Variants in TBC1D22B observed in about 807,000 individuals in gnomAD.
The protein encoded by TBC1D22B is chromosome 6 open reading frame 197.
In TBC1D22B, 32 loss-of-function variants were observed where a neutral mutation model predicts 69.1. The ratio of observed to expected loss-of-function variants is 0.46; its 90% CI spans 0.35 to 0.62. The LOEUF (loss-of-function observed/expected upper bound fraction) is 0.62. TBC1D22B is among the 20% of genes least tolerant of loss of function. TBC1D22B has a pLI of 0.00. For missense variants in TBC1D22B, 462 were observed against 630.9 expected, an observed-to-expected ratio of 0.73 and a Z score of 2.87; for synonymous variants, 206 against 229.8, an observed-to-expected ratio of 0.90 and a Z score of 0.94.
At chr6:37,269,886 T>C (rs922562169) in intron 2 of TBC1D22B, among the ~76,000 whole-genome samples, 8 of 152,312 alleles carry the variant, frequency 5.3e-5, no homozygotes, top group African/African-American at 1.9e-4. Context: ...TAGGGTTTGG[T>C]ATTGGATTCT....
chr6:37,297,217 A>T (rs1471305526), intron 8 of TBC1D22B, among the ~76,000 whole-genome samples: 5 of 152,198 alleles, frequency 3.3e-5, no homozygotes, highest in African/African-American at 9.7e-5. Flanking sequence ...ATACAGTCGT[A>T]TTCATAAATC....
At chr6:37,274,710 C>T (rs189967487) in intron 2 of TBC1D22B, among the ~76,000 whole-genome samples, 236 of 152,264 alleles carry the variant, frequency 1.5e-3, no homozygotes, top group African/African-American at 4.8e-3. Flanking sequence ...TGAAGGTGTT[C>T]GTCAGAGGCC....
At chr6:37,326,068 A>G (rs1768393615) in intron 12 of TBC1D22B, among the ~76,000 whole-genome samples, 1 of 152,172 alleles carries the variant, frequency 6.6e-6, no homozygotes, top group Non-Finnish European at 1.5e-5. Context: ...TGGAAATTAT[A>G]GGTAGATCTC....
At position 37,282,202 on chromosome 6, in the gene TBC1D22B, A is replaced by C. The variant is rs1766854885; in HGVS notation, c.439A>C (p.Asn147His). 6.2e-7 allele frequency: 1 copy of C among 1,614,118 alleles called. No individual in the cohort carries two copies. The highest frequency in any genetic ancestry group is 1.1e-5 in the South Asian group (1 of 91,076). The change falls in exon 4 of 13, where the codon AAC (asparagine) becomes CAC (histidine). Residue 147 changes from asparagine (N) to histidine (H), a missense_variant. By Grantham distance (68) the Asn-to-His change is moderately conservative. Coordinates refer to ENST00000373491, the MANE Select transcript of TBC1D22B (RefSeq NM_017772.4). ...GATCTCAGGTGATACATGCCTGAGG[A>C]ACCCACTCCACAAACAGCAATCACT... ...SRNSSDTCLR[N>H]PLHKQQSLPL...
At chr6:37,329,817 G>C (rs1768530698) in intron 12 of TBC1D22B, among the ~76,000 whole-genome samples, 1 of 152,206 alleles carries the variant, frequency 6.6e-6, no homozygotes, top group South Asian at 2.1e-4. Context: ...AAGAGGGAGA[G>C]AAGTTTAGAG....
intron 12 of TBC1D22B, 152 bp from the exon 13 acceptor site, chr6:37,330,892 G>T: frequency 1.4e-6 from 1 of 739,254 alleles, no homozygotes. Flanking sequence ...ACTGAAAGCT[G>T]TGTACTGTTT....
At chr6:37,322,231 C>G (rs1198702183) in intron 12 of TBC1D22B, among the ~76,000 whole-genome samples, 3 of 152,164 alleles carry the variant, frequency 2.0e-5, no homozygotes, top group African/African-American at 7.2e-5. Context: ...TGTTGCCACT[C>G]TGGTCCTAGA....
At chr6:37,283,363 G>A (rs1766899869) in intron 5 of TBC1D22B, among the ~76,000 whole-genome samples, 1 of 152,154 alleles carries the variant, frequency 6.6e-6, no homozygotes. Context: ...TACTAGTCCT[G>A]CTTTCACCAA....
At chr6:37,286,196 A>G (rs144603424) in intron 6 of TBC1D22B, among the ~76,000 whole-genome samples, 1 of 152,226 alleles carries the variant, frequency 6.6e-6, no homozygotes, top group Non-Finnish European at 1.5e-5. Context: ...TCACTGTTTA[A>G]TAAGCTATTG....
chr6:37,323,440 G>A (rs1160956762), intron 12 of TBC1D22B, among the ~76,000 whole-genome samples: 3 of 152,162 alleles, frequency 2.0e-5, no homozygotes, highest in Non-Finnish European at 4.4e-5. Flanking sequence ...TTGGGTGGGA[G>A]GATCATCTGA....
chr6:37,323,506 ATGAGTGAG>A (rs1025424891), intron 12 of TBC1D22B, among the ~76,000 whole-genome samples: 1 of 152,216 alleles, frequency 6.6e-6, no homozygotes, highest in Non-Finnish European at 1.5e-5. Flanking sequence ...TGAGTCTCAA[ATGAGTGAG>A]TGAGTGAGTG....
intron 12 of TBC1D22B, among the ~76,000 whole-genome samples, chr6:37,322,080 T>C (rs1768268376): frequency 6.6e-6 from 1 of 152,162 alleles, no homozygotes; most frequent in Non-Finnish European, 1.5e-5. Context: ...ATAATCACAA[T>C]TCATTACCAC....
chr6:37,320,838 C>A (rs1372908254), intron 12 of TBC1D22B, among the ~76,000 whole-genome samples: 1 of 152,212 alleles, frequency 6.6e-6, no homozygotes, highest in Non-Finnish European at 1.5e-5. Flanking sequence ...ACTCTGGGAG[C>A]AGAATGGCTG....
intron 12 of TBC1D22B, among the ~76,000 whole-genome samples, chr6:37,323,325 C>G (rs1330321646): frequency 1.3e-5 from 2 of 152,030 alleles, no homozygotes; most frequent in African/African-American, 2.4e-5. Context: ...CCCAGGAGTT[C>G]GAGAGCACCC....
intron 4 of TBC1D22B, 149 bp downstream of exon 4, chr6:37,282,513 T>G: frequency 9.9e-7 from 1 of 1,014,050 alleles, no homozygotes; most frequent in Non-Finnish European, 1.4e-6. Flanking sequence ...AGGTATTAAG[T>G]CAGACATATG....
chr6:37,318,850 G>A (rs537341637), intron 12 of TBC1D22B, among the ~76,000 whole-genome samples: 3 of 152,312 alleles, frequency 2.0e-5, no homozygotes, highest in African/African-American at 7.2e-5. Context: ...GTTGGGGGTG[G>A]CGAGTGTATT....
At chr6:37,258,294 TC>T (rs1765906869) in intron 1 of TBC1D22B, 2 of 327,778 alleles carry the variant, frequency 6.1e-6, no homozygotes, top group African/African-American at 4.4e-5. Flanking sequence ...CGGAAGTTCC[TC>T]CCCAGAGCTG....
chr6:37,273,624 A>G (rs911328539), intron 2 of TBC1D22B, among the ~76,000 whole-genome samples: 1 of 152,206 alleles, frequency 6.6e-6, no homozygotes, highest in Non-Finnish European at 1.5e-5. Flanking sequence ...AGTTTCAGTC[A>G]TGCTTTCAAT....
chr6:37,259,741 G>A (rs1359789566), intron 1 of TBC1D22B, among the ~76,000 whole-genome samples: 2 of 152,062 alleles, frequency 1.3e-5, no homozygotes, highest in African/African-American at 4.8e-5. Context: ...TACTATTTGG[G>A]CTCTGTTGTG....
Sources: gnomAD v4.1 joint callset for allele counts (sites outside exome capture counted in the v4.1 genomes callset) on GRCh38, gnomAD v4.1.1 for gene constraint, MANE v1.5 for transcripts, NCBI Gene and HGNC (gene_info 2026-07-23, HGNC 2026-07-21) for gene names.